Variants in TPD52 observed in about 807,000 individuals in gnomAD.
TPD52 encodes the protein tumor protein D52.
In TPD52, 17 loss-of-function variants were observed where a neutral mutation model predicts 31.3. The ratio of observed to expected loss-of-function variants is 0.54; its 90% CI spans 0.37 to 0.82. The LOEUF is 0.82. TPD52 is among the 40% of genes least tolerant of loss of function. TPD52 has a pLI of 0.00. For synonymous variants in TPD52, 83 were observed against 89.6 expected (o/e 0.93, Z 0.42); for missense variants, 212 against 240.1 (o/e 0.88, Z 0.77).
At chr8:80,134,075 C>G (rs10808841) in intron 1 of TPD52, among the ~76,000 whole-genome samples, 1 of 152,086 alleles carries the variant, frequency 6.6e-6, no homozygotes, top group Non-Finnish European at 1.5e-5. Flanking sequence ...TTCTAATCCA[C>G]GGCCACAGCT....
chr8:80,077,642 C>T (rs1814741462), intron 1 of TPD52, among the ~76,000 whole-genome samples: 1 of 152,188 alleles, frequency 6.6e-6, no homozygotes, highest in African/African-American at 2.4e-5. Context: ...CTATCTTAGC[C>T]TAACTAAACT....
chr8:80,137,966 CAG>C (rs1476846683), intron 1 of TPD52, among the ~76,000 whole-genome samples: 2 of 151,404 alleles, frequency 1.3e-5, no homozygotes, highest in Non-Finnish European at 2.9e-5. Context: ...TTTTTTGAGA[CAG>C]AGTTTCACTC....
At chr8:80,065,534 A>G (rs1171898619) in intron 1 of TPD52, among the ~76,000 whole-genome samples, 1 of 152,084 alleles carries the variant, frequency 6.6e-6, no homozygotes, top group East Asian at 1.9e-4. Context: ...ACAGGCTAAG[A>G]TGAGGCCAGA....
At chr8:80,080,219 T>C in intron 1 of TPD52, 1 of 1,101,104 alleles carries the variant, frequency 9.1e-7, no homozygotes, top group Non-Finnish European at 1.3e-6. Flanking sequence ...ACCACCCTGG[T>C]ACATCTTTAC....
intron 1 of TPD52, among the ~76,000 whole-genome samples, chr8:80,072,315 A>ATGTG (rs1333429744): frequency 8.5e-5 from 6 of 70,394 alleles, no homozygotes; most frequent in South Asian, 4.1e-4. Flanking sequence ...TAAAAAACAT[A>ATGTG]TATGTGTGTG....
rs180900717 is a variant in TPD52 at position 80,103,391 on chromosome 8, A to C, written c.20-38798T>G. Among the ~76,000 whole-genome samples the C allele has an allele frequency of 9.8e-5, 15 of 152,368 alleles. No individual in the cohort carries two copies. In the East Asian group the frequency reaches 1.9e-3, roughly 20 times the overall value. Reference sequence around the variant, plus strand: ...GGTTTCATTTGTGTTGCTTCTGCAAATACTTTATAAAAGTTTCCCCTCTTG... The same window carrying C: ...GGTTTCATTTGTGTTGCTTCTGCAACTACTTTATAAAAGTTTCCCCTCTTG... On this transcript the variant is annotated intron_variant, in intron 1 of 7. Transcript: ENST00000518937.
chr8:80,093,940 G>A (rs906273157), intron 1 of TPD52, among the ~76,000 whole-genome samples: 5 of 99,898 alleles, frequency 5.0e-5, no homozygotes, highest in African/African-American at 2.2e-4. Flanking sequence ...TGTGTGGAAA[G>A]CTTCAAAACT....
chr8:80,057,436 G>A (rs183644555), intron 2 of TPD52, among the ~76,000 whole-genome samples: 20 of 152,220 alleles, frequency 1.3e-4, no homozygotes, highest in African/African-American at 3.9e-4. Context: ...AACCAACCCC[G>A]GTGCCCACTG....
chr8:80,156,423 A>G (rs1484406339), intron 1 of TPD52, among the ~76,000 whole-genome samples: 2 of 152,228 alleles, frequency 1.3e-5, no homozygotes, highest in African/African-American at 4.8e-5. Context: ...CACAAAGGCC[A>G]GCCCATATTC....
intron 1 of TPD52, among the ~76,000 whole-genome samples, chr8:80,159,148 A>G (rs889442088): frequency 1.3e-5 from 2 of 152,154 alleles, no homozygotes; most frequent in African/African-American, 4.8e-5. Flanking sequence ...ATCAGTATCT[A>G]TTGAGCACCA....
chr8:80,101,340 C>T lies in TPD52; in HGVS notation c.20-36747G>A, dbSNP rs571764205. Among the ~76,000 whole-genome samples, 22 of 150,092 alleles carry T rather than the reference C, an allele frequency of 1.5e-4. No individual in the cohort carries two copies. The South Asian group carries it at 1.7e-3, about 12-fold the overall frequency. ...GCACATGCCTATAATCCCAGCTACC[C>T]GGGAGGCTGAGGCAGGAGAATCACT... On this transcript the variant is annotated intron_variant, in intron 1 of 7. Transcript: ENST00000518937.
intron 1 of TPD52, among the ~76,000 whole-genome samples, chr8:80,109,020 A>G (rs1807321711): frequency 6.6e-6 from 1 of 152,232 alleles, no homozygotes; most frequent in South Asian, 2.1e-4. Flanking sequence ...ACAATTGGAA[A>G]CATTGGTTAT....
At chr8:80,095,343 A>C (rs889756359) in intron 1 of TPD52, among the ~76,000 whole-genome samples, 2 of 152,150 alleles carry the variant, frequency 1.3e-5, no homozygotes. Context: ...TAAAAAGATC[A>C]ATGGTTACCA....
intron 2 of TPD52, among the ~76,000 whole-genome samples, chr8:80,063,600 C>A (rs1812780938): frequency 6.6e-6 from 1 of 152,012 alleles, no homozygotes; most frequent in South Asian, 2.1e-4. Context: ...GAGTTCGAAA[C>A]CAGCCTGGCC....
chr8:80,169,034 G>T (rs1407866576), intron 1 of TPD52, among the ~76,000 whole-genome samples: 1 of 152,208 alleles, frequency 6.6e-6, no homozygotes, highest in East Asian at 1.9e-4. Flanking sequence ...GCCCAGGCTG[G>T]AGTGCAGTGG....
rs1335005381 is a variant in TPD52 at position 80,080,245 on chromosome 8, G to T, written c.20-15652C>A. Reference sequence around the variant, plus strand: ...ACATCTTTACACTAACAATTTTAAAGCCAGGCAAACCCCAAGTTATGTCTA... The same window carrying T: ...ACATCTTTACACTAACAATTTTAAATCCAGGCAAACCCCAAGTTATGTCTA... On this transcript the variant is annotated intron_variant, in intron 1 of 7. Coordinates refer to ENST00000518937, the MANE Select transcript of TPD52 (RefSeq NM_001025253.3). 2.1e-6 allele frequency: 3 copies of T among 1,455,840 alleles called. No homozygotes were observed. The East Asian group carries it at 6.9e-5, about 33-fold the overall frequency. 90.2% of individuals were successfully genotyped at this position (1,455,840 alleles called of 1,614,324 possible).
intron 1 of TPD52, among the ~76,000 whole-genome samples, chr8:80,070,184 C>A (rs1813617328): frequency 6.6e-6 from 1 of 152,092 alleles, no homozygotes; most frequent in African/African-American, 2.4e-5. Context: ...GAGCGCCTCT[C>A]TCTGCTTGGG....
intron 1 of TPD52, among the ~76,000 whole-genome samples, chr8:80,098,902 C>T (rs921840975): frequency 6.6e-6 from 1 of 152,170 alleles, no homozygotes; most frequent in East Asian, 1.9e-4. Flanking sequence ...CAGTCAGCAG[C>T]CATTCTCATT....
chr8:80,154,140 A>T (rs1810764352), intron 1 of TPD52, among the ~76,000 whole-genome samples: 1 of 152,234 alleles, frequency 6.6e-6, no homozygotes. Context: ...GGGAAAATGA[A>T]CACACCTTTA....
Sources: allele counts gnomAD v4.1 joint callset (sites outside exome capture counted in the v4.1 genomes callset), GRCh38; gene constraint gnomAD v4.1.1; transcripts MANE v1.5; gene names NCBI Gene and HGNC (gene_info 2026-07-23, HGNC 2026-07-21).